Variants in DSCAM observed in about 807,000 individuals in gnomAD.
DSCAM encodes cell adhesion molecule DSCAM.
Under a neutral mutation model 217.7 loss-of-function variants are expected in DSCAM, and 47 were observed. The observed-to-expected ratio is 0.22, with a 90% CI of 0.17 to 0.28. The LOEUF is 0.28. Among genes scored for constraint, DSCAM ranks in the 10% least tolerant of loss-of-function variants. The pLI is 1.00. For synonymous variants in DSCAM, 1,056 were observed against 1,015.3 expected (o/e 1.04, Z -0.76); for missense variants, 2,080 against 2,618.3 (o/e 0.79, Z 4.49).
At chr21:40,461,053 T>G (rs1263281173) in intron 3 of DSCAM, among the ~76,000 whole-genome samples, 1 of 152,118 alleles carries the variant, frequency 6.6e-6, no homozygotes. Flanking sequence ...ACACAAAATA[T>G]TCATCAATAA....
intron 8 of DSCAM, among the ~76,000 whole-genome samples, chr21:40,325,599 A>G (rs1329931057): frequency 1.3e-5 from 2 of 152,232 alleles, no homozygotes; most frequent in African/African-American, 4.8e-5. Flanking sequence ...GCAAAGCAGG[A>G]AGAAGTAGCA....
rs1001510849 is a variant in DSCAM at position 40,476,855 on chromosome 21, C to CA, written c.509-107611dup. Among the ~76,000 whole-genome samples, 7 of 151,330 alleles carry CA rather than the reference C, an allele frequency of 4.6e-5. No homozygotes were observed. The East Asian group carries it at 7.7e-4, about 17-fold the overall frequency. On this transcript the variant is annotated intron_variant, in intron 3 of 32. Coordinates refer to ENST00000400454, the MANE Select transcript of DSCAM (RefSeq NM_001389.5). ...AACAATCCAATTAACCATGAACTGCCAAAAAAAACTTGAGGGAAAATTCAG... is the reference window on the plus strand; with the variant it reads ...AACAATCCAATTAACCATGAACTGCCAAAAAAAAACTTGAGGGAAAATTCAG...
chr21:40,043,031 C>T (rs571515012), intron 31 of DSCAM, among the ~76,000 whole-genome samples: 5 of 152,314 alleles, frequency 3.3e-5, no homozygotes, highest in Admixed American at 3.3e-4. Context: ...TGGATCTATG[C>T]CCTAGAGACT....
chr21:40,580,410 A>C (rs463549), intron 3 of DSCAM, among the ~76,000 whole-genome samples: 23,290 of 151,524 alleles, frequency 0.15, 1,897 homozygotes, highest in African/African-American at 0.2. Flanking sequence ...GCGGGCGCCC[A>C]TAATCCCAGC....
At chr21:40,467,793 G>A (rs1374091791) in intron 3 of DSCAM, among the ~76,000 whole-genome samples, 1 of 151,970 alleles carries the variant, frequency 6.6e-6, no homozygotes, top group African/African-American at 2.4e-5. Flanking sequence ...GGACTAAAAT[G>A]TCATCAATTA....
intron 3 of DSCAM, among the ~76,000 whole-genome samples, chr21:40,535,353 C>T (rs1026194917): frequency 6.6e-6 from 1 of 152,104 alleles, no homozygotes; most frequent in Non-Finnish European, 1.5e-5. Flanking sequence ...AAAATGCAAA[C>T]AGAGTTAGGG....
At chr21:40,542,999 G>A (rs555943510) in intron 3 of DSCAM, among the ~76,000 whole-genome samples, 1 of 152,166 alleles carries the variant, frequency 6.6e-6, no homozygotes, top group East Asian at 1.9e-4. Flanking sequence ...TTTCCCTGAA[G>A]ACAATATATG....
chr21:40,778,373 C>T (rs770317508), intron 1 of DSCAM, among the ~76,000 whole-genome samples: 20 of 152,070 alleles, frequency 1.3e-4, no homozygotes, highest in Admixed American at 6.6e-4. Flanking sequence ...GTTTTTGAGA[C>T]GGAGTCCTGC....
chr21:40,049,175 A>C (rs1217857614), intron 30 of DSCAM, among the ~76,000 whole-genome samples: 1 of 152,178 alleles, frequency 6.6e-6, no homozygotes, highest in Non-Finnish European at 1.5e-5. Context: ...TTTCCCTGTG[A>C]TCATCAGGCT....
intron 2 of DSCAM, among the ~76,000 whole-genome samples, chr21:40,707,920 A>G (rs1407938546): frequency 6.6e-6 from 1 of 152,236 alleles, no homozygotes; most frequent in Non-Finnish European, 1.5e-5. Flanking sequence ...GGATTTATGT[A>G]CTGACAACAT....
chr21:40,651,785 T>G (rs2837764), intron 3 of DSCAM, among the ~76,000 whole-genome samples: 32,110 of 152,238 alleles, frequency 0.21, 3,826 homozygotes, highest in East Asian at 0.28. Context: ...TTTTAGGGAA[T>G]ACATTATGTT....
At chr21:40,658,527 G>T (rs772669508) in intron 3 of DSCAM, among the ~76,000 whole-genome samples, 2 of 152,182 alleles carry the variant, frequency 1.3e-5, no homozygotes, top group Non-Finnish European at 2.9e-5. Context: ...TCACCATGGG[G>T]CGTCCTGGGA....
chr21:40,424,343 T>C (rs2075452318), intron 3 of DSCAM, among the ~76,000 whole-genome samples: 1 of 152,108 alleles, frequency 6.6e-6, no homozygotes, highest in South Asian at 2.1e-4. Context: ...ATAAGTGGTG[T>C]CCTTATAGAA....
intron 3 of DSCAM, among the ~76,000 whole-genome samples, chr21:40,461,098 T>C (rs538344608): frequency 8.5e-5 from 13 of 152,110 alleles, no homozygotes; most frequent in South Asian, 4.2e-4. Context: ...ATTCATAAAA[T>C]AGGAACAATG....
intron 3 of DSCAM, among the ~76,000 whole-genome samples, chr21:40,443,147 T>G (rs1333279849): frequency 6.6e-6 from 1 of 152,230 alleles, no homozygotes; most frequent in East Asian, 1.9e-4. Context: ...TATGTGGATC[T>G]TCTGAGTATT....
chr21:40,236,323 G>A (rs773990797), intron 11 of DSCAM, among the ~76,000 whole-genome samples: 2 of 152,174 alleles, frequency 1.3e-5, no homozygotes, highest in Admixed American at 6.5e-5. Context: ...CCACTCTGAA[G>A]AGCATCGGAG....
At chr21:40,703,634 T>C (rs899763876) in intron 2 of DSCAM, among the ~76,000 whole-genome samples, 1 of 152,234 alleles carries the variant, frequency 6.6e-6, no homozygotes, top group Non-Finnish European at 1.5e-5. Flanking sequence ...CTTTCTTCTG[T>C]AGCTGCTTTT....
chr21:40,590,141 C>T lies in DSCAM; in HGVS notation c.508+102669G>A, dbSNP rs563723909. 2.2e-4 allele frequency among the ~76,000 whole-genome samples: 34 copies of T among 152,340 alleles called. No homozygotes were observed. The South Asian group carries it at 6.4e-3, about 29-fold the overall frequency. Reference sequence around the variant, plus strand: ...ACTAAGAAATAGACCCAAAGTGCAACAGGATTTTTACCCACAGGGAAGACC... The same window carrying T: ...ACTAAGAAATAGACCCAAAGTGCAATAGGATTTTTACCCACAGGGAAGACC... On this transcript the variant is annotated intron_variant, in intron 3 of 32. Transcript: ENST00000400454.
At chr21:40,578,635 T>A (rs1358015336) in intron 3 of DSCAM, among the ~76,000 whole-genome samples, 1 of 152,176 alleles carries the variant, frequency 6.6e-6, no homozygotes, top group Admixed American at 6.5e-5. Context: ...GTTCTTTTGC[T>A]CTTCACAATA....
Sources: gnomAD v4.1 joint callset for allele counts (sites outside exome capture counted in the v4.1 genomes callset) on GRCh38, gnomAD v4.1.1 for gene constraint, MANE v1.5 for transcripts, NCBI Gene and HGNC (gene_info 2026-07-23, HGNC 2026-07-21) for gene names.